PCBD2: variants seen among roughly 807,000 people sequenced by gnomAD.
PCBD2 encodes the protein pterin-4-alpha-carbinolamine dehydratase 2.
A neutral mutation model predicts 16.4 loss-of-function variants in PCBD2; 12 were observed. That is an observed-to-expected ratio of 0.73 (90% confidence interval 0.47 to 1.19). The LOEUF is 1.19. Ranked by LOEUF, PCBD2 falls within the 50% of genes most tolerant of loss-of-function variation. The probability of loss-of-function intolerance (pLI) is 0.00; values close to 1 mark genes in which losing one functional copy is unlikely to be tolerated. For synonymous variants in PCBD2, 58 were observed against 61.8 expected (o/e 0.94, Z 0.29); for missense variants, 138 against 156.8 (o/e 0.88, Z 0.64).
intron 2 of PCBD2, among the ~76,000 whole-genome samples, chr5:134,938,228 C>G (rs995923324): frequency 6.6e-5 from 10 of 152,196 alleles, no homozygotes; most frequent in Non-Finnish European, 1.5e-4. Context: ...TGGTATTTAT[C>G]ATAAGGCATG....
chr5:134,951,802 G>A (rs1056630661), intron 2 of PCBD2, among the ~76,000 whole-genome samples: 2 of 152,020 alleles, frequency 1.3e-5, no homozygotes, highest in African/African-American at 4.8e-5. Flanking sequence ...TATGTCCTTT[G>A]CTCATTTAAA....
chr5:134,907,889 T>G (rs1750716434), intron 1 of PCBD2, among the ~76,000 whole-genome samples: 1 of 150,382 alleles, frequency 6.6e-6, no homozygotes, highest in Admixed American at 6.7e-5. Flanking sequence ...CCCAAAGTGC[T>G]GGGATTACAG....
intron 3 of PCBD2, 118 bp downstream of exon 3, chr5:134,959,238 C>G: frequency 2.8e-6 from 2 of 710,220 alleles, no homozygotes; most frequent in Non-Finnish European, 2.3e-6. Context: ...TATCCTTTCT[C>G]TCAGAATCCC....
chr5:134,927,731 T>C, intron 2 of PCBD2: 1 of 398,096 alleles, frequency 2.5e-6, no homozygotes. Context: ...AGGAGATTTG[T>C]AGGGAGATTA....
At chr5:134,937,657 T>C (rs965671295) in intron 2 of PCBD2, among the ~76,000 whole-genome samples, 8 of 152,366 alleles carry the variant, frequency 5.3e-5, no homozygotes, top group Non-Finnish European at 4.4e-5. Flanking sequence ...AAAGCTGACC[T>C]TTCACATGTG....
rs1342940043 is a variant in PCBD2, at chr5:134,961,824, G to A, written c.*1143G>A. Reference sequence around the variant, plus strand: ...CTGCCCAGGCTGGAGTGCAGTGGCAGGATCACGGTTTATTGCAGCCTTAAC... The same window carrying A: ...CTGCCCAGGCTGGAGTGCAGTGGCAAGATCACGGTTTATTGCAGCCTTAAC... On this transcript the variant is annotated 3_prime_UTR_variant, in exon 4 of 4. Transcript: ENST00000254908. 1.3e-5 allele frequency among the ~76,000 whole-genome samples: 2 copies of A among 151,772 alleles called. No individual in the cohort carries two copies. Among genetic ancestry groups the A allele is most frequent in the East Asian group, 3.9e-4 (2 of 5,166 alleles).
intron 2 of PCBD2, among the ~76,000 whole-genome samples, chr5:134,932,278 A>T (rs954433298): frequency 2.6e-5 from 4 of 152,110 alleles, no homozygotes; most frequent in African/African-American, 9.7e-5. Context: ...ACTGGGCTCA[A>T]GCGATCCTCC....
At chr5:134,920,881 T>C (rs1474447491) in intron 2 of PCBD2, among the ~76,000 whole-genome samples, 1 of 152,276 alleles carries the variant, frequency 6.6e-6, no homozygotes, top group Admixed American at 6.5e-5. Context: ...GGCCAGGCTG[T>C]ACTTGAACTC....
intron 2 of PCBD2, among the ~76,000 whole-genome samples, chr5:134,950,153 T>C (rs1375937791): frequency 1.3e-5 from 2 of 152,218 alleles, no homozygotes; most frequent in Non-Finnish European, 2.9e-5. Flanking sequence ...ACAAACATAA[T>C]GGTGATTCAT....
rs553220951 is a variant in PCBD2, at chr5:134,955,200, T to G, written c.217-3840T>G. Among the ~76,000 whole-genome samples the G allele has an allele frequency of 1.3e-4, 20 of 151,272 alleles. No homozygotes were observed. In the East Asian group the frequency reaches 3.1e-3, roughly 23 times the overall value. ...AACCCTTTATTTTTGGAAAACTTAT[T>G]TTTTTTTTAAATTTTTATCCCCAAG... On this transcript the variant is annotated intron_variant, in intron 2 of 3. Transcript: ENST00000254908.
At position 134,961,368 on chromosome 5, in the gene PCBD2, C is replaced by T. The variant is rs1419919397; in HGVS notation, c.*687C>T. ...TGGCGGGATCTCGGCTCACTGCAAC[C>T]TCTGCCTCCCAGGTTCAAATGATTC... On this transcript the variant is annotated 3_prime_UTR_variant, in exon 4 of 4. Transcript: ENST00000254908. 6.6e-6 allele frequency: 1 copy of T among 151,812 alleles called. No individual in the cohort carries two copies. The highest frequency in any genetic ancestry group is 2.4e-5 in the African/African-American group (1 of 41,352). 9.4% of individuals were successfully genotyped at this position (151,812 alleles called of 1,614,324 possible).
intron 2 of PCBD2, chr5:134,925,400 G>A (rs1257986467): frequency 2.5e-6 from 1 of 398,318 alleles, no homozygotes; most frequent in African/African-American, 2.1e-5. Context: ...CGAATATCTT[G>A]TTCATTGTTG....
At chr5:134,949,090 C>T (rs1340041598) in intron 2 of PCBD2, among the ~76,000 whole-genome samples, 5 of 152,112 alleles carry the variant, frequency 3.3e-5, no homozygotes, top group Admixed American at 1.3e-4. Context: ...AGGGACTGCA[C>T]AGGGAATGGT....
chr5:134,947,872 A>G (rs1751316795), intron 2 of PCBD2, among the ~76,000 whole-genome samples: 1 of 152,152 alleles, frequency 6.6e-6, no homozygotes, highest in Non-Finnish European at 1.5e-5. Flanking sequence ...CTAAAACAAA[A>G]CTAACTAAAC....
chr5:134,918,596 C>T (rs991447760), intron 2 of PCBD2, among the ~76,000 whole-genome samples: 2 of 152,192 alleles, frequency 1.3e-5, no homozygotes, highest in African/African-American at 4.8e-5. Flanking sequence ...AGTGAAAACT[C>T]GTATGGCTGT....
intron 2 of PCBD2, among the ~76,000 whole-genome samples, chr5:134,946,482 G>C (rs1245844952): frequency 2.6e-5 from 4 of 152,124 alleles, no homozygotes; most frequent in Non-Finnish European, 5.9e-5. Flanking sequence ...TTTGGATGAT[G>C]TACTTTTCTT....
At chr5:134,956,160 T>C (rs757157571) in intron 2 of PCBD2, among the ~76,000 whole-genome samples, 105 of 152,376 alleles carry the variant, frequency 6.9e-4, no homozygotes, top group Non-Finnish European at 1.2e-3. Flanking sequence ...GAATTAAGAA[T>C]AAATCCTGTG....
intron 2 of PCBD2, chr5:134,926,948 G>A (rs1259029636): frequency 5.0e-6 from 2 of 398,362 alleles, no homozygotes; most frequent in Admixed American, 4.4e-5. Flanking sequence ...GATTAGTGAG[G>A]CTTGCTAGAA....
chr5:134,928,141 G>T (rs536456509), intron 2 of PCBD2: 1 of 391,736 alleles, frequency 2.6e-6, no homozygotes, highest in East Asian at 3.6e-5. Flanking sequence ...AGACTAGTAT[G>T]GCGATAGGTA....
Sources: gnomAD v4.1 joint callset for allele counts (sites outside exome capture counted in the v4.1 genomes callset) on GRCh38, gnomAD v4.1.1 for gene constraint, MANE v1.5 for transcripts, NCBI Gene and HGNC (gene_info 2026-07-23, HGNC 2026-07-21) for gene names.